The following LRFN2 variants were observed in gnomAD, a reference collection of about 807,000 sequenced individuals.
The protein encoded by LRFN2 is leucine rich repeat and fibronectin type III domain containing 2.
LRFN2 carries 18 observed loss-of-function variants against 37.3 expected under a neutral mutation model. That is an observed-to-expected ratio of 0.48 (90% CI 0.33 to 0.72). The LOEUF (loss-of-function observed/expected upper bound fraction) is 0.72. Among genes scored for constraint, LRFN2 ranks in the 30% least tolerant of loss-of-function variants. The pLI is 0.02. For synonymous variants in LRFN2, 556 were observed against 466.6 expected (o/e 1.19, Z -2.47); for missense variants, 1,006 against 1,060.7 (o/e 0.95, Z 0.72).
chr6:40,532,224 T>C (rs1174389075), intron 1 of LRFN2, among the ~76,000 whole-genome samples: 1 of 152,202 alleles, frequency 6.6e-6, no homozygotes, highest in African/African-American at 2.4e-5. Context: ...GAGACAGTTT[T>C]AGGCAGGTGG....
intron 1 of LRFN2, among the ~76,000 whole-genome samples, chr6:40,503,880 G>A (rs1765455392): frequency 6.6e-6 from 1 of 151,932 alleles, no homozygotes; most frequent in Non-Finnish European, 1.5e-5. Flanking sequence ...GGCTACCAGT[G>A]ACACTAGGAA....
intron 1 of LRFN2, among the ~76,000 whole-genome samples, chr6:40,585,416 C>T (rs1027635052): frequency 2.0e-5 from 3 of 152,098 alleles, no homozygotes; most frequent in East Asian, 3.9e-4. Flanking sequence ...CGGAGGATGA[C>T]GGCTCCAAGT....
intron 2 of LRFN2, among the ~76,000 whole-genome samples, chr6:40,424,720 C>A (rs1763309544): frequency 6.6e-6 from 1 of 152,174 alleles, no homozygotes; most frequent in Non-Finnish European, 1.5e-5. Flanking sequence ...GGGACTCAAC[C>A]CACCCTTCCA....
Position 40,397,706 on chromosome 6 carries a change from T to C in LRFN2, c.1401-4794A>G, listed in dbSNP as rs182048661. Among the ~76,000 whole-genome samples, 129 of 152,314 alleles carry C rather than the reference T, an allele frequency of 8.5e-4. 1 individual carries two copies. The highest frequency in any genetic ancestry group is 3.0e-3 in the African/African-American group (123 of 41,564). ...CCTAGAAGGATAATTAAAGATCTTA[T>C]TTATCAAGGGGCTAGTTGTAAAGAG... On this transcript the variant is annotated intron_variant, in intron 2 of 2. Coordinates refer to ENST00000338305, the MANE Select transcript of LRFN2 (RefSeq NM_020737.3).
chr6:40,555,105 C>T (rs973513913), intron 1 of LRFN2, among the ~76,000 whole-genome samples: 16 of 152,272 alleles, frequency 1.1e-4, no homozygotes, highest in African/African-American at 3.1e-4. Context: ...TTCTTTTTGC[C>T]AGCTTTAGAA....
chr6:40,505,557 A>G (rs1765509423), intron 1 of LRFN2, among the ~76,000 whole-genome samples: 1 of 152,190 alleles, frequency 6.6e-6, no homozygotes, highest in African/African-American at 2.4e-5. Context: ...TGAAATTGGG[A>G]AGTTGCCACA....
chr6:40,446,531 T>C (rs540343498), intron 1 of LRFN2, among the ~76,000 whole-genome samples: 6 of 152,240 alleles, frequency 3.9e-5, no homozygotes, highest in Admixed American at 6.5e-5. Flanking sequence ...GTGTGCTGTG[T>C]TCATCAGGCT....
At chr6:40,542,255 G>T (rs1766566798) in intron 1 of LRFN2, among the ~76,000 whole-genome samples, 1 of 152,146 alleles carries the variant, frequency 6.6e-6, no homozygotes, top group South Asian at 2.1e-4. Context: ...GGGCCCCTGG[G>T]TGAATTGCCT....
At chr6:40,540,265 A>T (rs2113915520) in intron 1 of LRFN2, among the ~76,000 whole-genome samples, 1 of 152,336 alleles carries the variant, frequency 6.6e-6, no homozygotes, top group East Asian at 1.9e-4. Context: ...CACTGTTCAT[A>T]AGCATTTTGT....
At chr6:40,456,779 C>G (rs1764244595) in intron 1 of LRFN2, among the ~76,000 whole-genome samples, 1 of 152,140 alleles carries the variant, frequency 6.6e-6, no homozygotes, top group Admixed American at 6.5e-5. Context: ...GACTCCCTCT[C>G]CAAGGAAGGA....
intron 1 of LRFN2, among the ~76,000 whole-genome samples, chr6:40,579,611 CAA>C (rs1444408332): frequency 8.5e-6 from 1 of 118,266 alleles, no homozygotes; most frequent in Non-Finnish European, 1.8e-5. Flanking sequence ...CGAACACACA[CAA>C]ACACACACAC....
chr6:40,531,251 A>T (rs1386707068), intron 1 of LRFN2, among the ~76,000 whole-genome samples: 1 of 152,214 alleles, frequency 6.6e-6, no homozygotes, highest in Admixed American at 6.5e-5. Flanking sequence ...TCATATGTTC[A>T]TGAGATTCTC....
chr6:40,431,878 A>T lies in LRFN2; in HGVS notation c.1236T>A (p.Ser412Arg). The T allele has an allele frequency of 6.2e-7, 1 of 1,605,042 alleles. No homozygotes were observed. The highest frequency in any genetic ancestry group is 1.3e-5 in the African/African-American group (1 of 74,960). Reference sequence around the variant, plus strand: ...GGCTTTTGGGAGGCTCTCCGCCCCCACTGCCTCCACCTCCCCGGCTGGTCT... The same window carrying T: ...GGCTTTTGGGAGGCTCTCCGCCCCCTCTGCCTCCACCTCCCCGGCTGGTCT... ...SSKTSRGGGG[S>R]GGGEPPKSPP... Residue 412 changes from serine to arginine, a missense_variant, in exon 2 of 3, where the codon AGT becomes AGA. Physicochemically the swap from Ser to Arg is moderately radical, Grantham distance 110 (BLOSUM62 -1). Transcript: ENST00000338305.
chr6:40,520,291 G>A (rs1766021175), intron 1 of LRFN2, among the ~76,000 whole-genome samples: 1 of 152,100 alleles, frequency 6.6e-6, no homozygotes, highest in Non-Finnish European at 1.5e-5. Flanking sequence ...CAGAGGGGCT[G>A]GGAGACAGGA....
At chr6:40,526,653 G>A (rs1393412605) in intron 1 of LRFN2, among the ~76,000 whole-genome samples, 3 of 152,204 alleles carry the variant, frequency 2.0e-5, no homozygotes, top group African/African-American at 4.8e-5. Context: ...AATGTGCCCA[G>A]CACTCTGCAG....
chr6:40,418,970 A>T (rs188453625), intron 2 of LRFN2, among the ~76,000 whole-genome samples: 8 of 152,308 alleles, frequency 5.3e-5, no homozygotes, highest in Admixed American at 5.2e-4. Context: ...CAGCAGCATC[A>T]GCATCCCGGA....
At position 40,392,587 on chromosome 6, in the gene LRFN2, A is replaced by T. The variant is rs879234625; in HGVS notation, c.1726T>A (p.Tyr576Asn). 38 of 1,608,184 alleles carry T rather than the reference A, an allele frequency of 2.4e-5. No homozygotes were observed. Among genetic ancestry groups the T allele is most frequent in the Non-Finnish European group, 3.1e-5 (37 of 1,179,842 alleles). The change falls in exon 3 of 3, where the codon TAC (tyrosine) becomes AAC (asparagine). Residue 576 changes from tyrosine to asparagine, a missense_variant. This residue lies in a region of LRFN2 where 398 missense variants were observed against 327.6 expected (regional missense o/e 1.21). Coordinates refer to ENST00000338305, the MANE Select transcript of LRFN2 (RefSeq NM_020737.3). The surrounding 1 kb of genome is among the most constrained non-coding windows in gnomAD (Gnocchi z 4.7). Reference sequence around the variant, plus strand: ...GGCTGGGCGCCGTTGGTCTGCGAGTACACATTGCTCACGGCCGCTGCCATC... The same window carrying T: ...GGCTGGGCGCCGTTGGTCTGCGAGTTCACATTGCTCACGGCCGCTGCCATC... ...SKMAAAVSNV[Y>N]SQTNGAQPPP...
At chr6:40,515,540 A>G (rs548532859) in intron 1 of LRFN2, among the ~76,000 whole-genome samples, 1 of 152,196 alleles carries the variant, frequency 6.6e-6, no homozygotes, top group South Asian at 2.1e-4. Flanking sequence ...AAGCCACTCT[A>G]CCTGCCCACA....
intron 2 of LRFN2, among the ~76,000 whole-genome samples, chr6:40,399,426 C>CT (rs61458320): frequency 0.27 from 36,676 of 134,094 alleles, 5,454 homozygotes; most frequent in Non-Finnish European, 0.31. Flanking sequence ...TTTTTCTTTT[C>CT]TTTTTTTTTT....
Sources: gnomAD v4.1 joint callset for allele counts (sites outside exome capture counted in the v4.1 genomes callset) on GRCh38, gnomAD v4.1.1 for gene constraint, gnomAD v4.1.1 regional missense constraint, Gnocchi (gnomAD v3.1) non-coding constraint, MANE v1.5 for transcripts, NCBI Gene and HGNC (gene_info 2026-07-23, HGNC 2026-07-21) for gene names.